CROCC2: variants seen among roughly 807,000 people sequenced by gnomAD.
CROCC2 encodes the protein ciliary rootlet coiled-coil, rootletin family member 2, also known as ciliary rootlet coiled-coil protein 2.
Under a neutral mutation model 177.6 loss-of-function variants are expected in CROCC2, and 163 were observed. The ratio of observed to expected loss-of-function variants is 0.92; its 90% CI spans 0.81 to 1.05. The LOEUF (loss-of-function observed/expected upper bound fraction) is 1.05. CROCC2 is among the 50% of genes least tolerant of loss of function. CROCC2 has a pLI of 0.00. For missense variants in CROCC2, 1,929 were observed against 1,797.8 expected, an observed-to-expected ratio of 1.07 and a Z score of -1.32; for synonymous variants, 904 against 787.3, an observed-to-expected ratio of 1.15 and a Z score of -2.48.
chr2:240,931,509 C>T (rs2059430965), intron 7 of CROCC2, among the ~76,000 whole-genome samples: 1 of 152,196 alleles, frequency 6.6e-6, no homozygotes, highest in Admixed American at 6.5e-5. Context: ...GGGACCAGGC[C>T]ACCTCCTGCC....
At chr2:240,933,642 G>A (rs1356468226) in intron 10 of CROCC2, 28 bp from the exon 11 acceptor site, 15 of 1,547,514 alleles carry the variant, frequency 9.7e-6, no homozygotes, top group African/African-American at 1.4e-5. Flanking sequence ...GTCCAGGGCC[G>A]CCCCAACTCT....
chr2:240,966,622 AAGCCCCTGGAGC>A (rs1231254968), intron 25 of CROCC2, among the ~76,000 whole-genome samples: 3 of 151,916 alleles, frequency 2.0e-5, no homozygotes, highest in Non-Finnish European at 4.4e-5. Flanking sequence ...CCAGGCTGAA[AAGCCCCTGGAGC>A]CAGGCCCTGC....
At chr2:240,924,455 A>G (rs1298382281) in intron 4 of CROCC2, among the ~76,000 whole-genome samples, 1 of 910 alleles carries the variant, frequency 1.1e-3, no homozygotes, top group Non-Finnish European at 1.4e-3. Context: ...CCCCCACACT[A>G]ACCCAGCCCC....
chr2:240,968,796 C>T (rs2059702497), intron 27 of CROCC2, among the ~76,000 whole-genome samples: 1 of 152,194 alleles, frequency 6.6e-6, no homozygotes, highest in Non-Finnish European at 1.5e-5. Flanking sequence ...CCCGCTGGGT[C>T]TGAGGTTTTC....
At chr2:240,963,444 G>A in intron 20 of CROCC2, 112 bp from the exon 21 acceptor site, 2 of 1,159,850 alleles carry the variant, frequency 1.7e-6, no homozygotes, top group African/African-American at 1.6e-5. Context: ...TGGGGACCAA[G>A]TTGGGCAGGG....
chr2:240,968,567 C>T (rs1381105528), intron 27 of CROCC2, among the ~76,000 whole-genome samples: 1 of 152,118 alleles, frequency 6.6e-6, no homozygotes, highest in East Asian at 1.9e-4. Context: ...GGGGGCACAG[C>T]GAGTGGGGGG....
chr2:240,926,032 C>T (rs1294585932), intron 5 of CROCC2, among the ~76,000 whole-genome samples, 152 bp downstream of exon 5: 1 of 152,248 alleles, frequency 6.6e-6, no homozygotes, highest in Non-Finnish European at 1.5e-5. Context: ...ATGTCCCCAA[C>T]CCGGCTTGGC....
intron 5 of CROCC2, 31 bp downstream of exon 5, chr2:240,925,911 C>A (rs1473501590): frequency 1.2e-5 from 8 of 685,874 alleles, no homozygotes; most frequent in Non-Finnish European, 1.9e-5. Context: ...CACCTCATGG[C>A]GGCCGCCTGT....
chr2:240,933,984 CAG>C lies in CROCC2; in HGVS notation c.1646+133_1646+134del. 8 of 1,035,366 alleles carry C rather than the reference CAG, an allele frequency of 7.7e-6. No individual in the cohort carries two copies. In the South Asian group the frequency reaches 1.3e-4, roughly 17 times the overall value. The allele number at this position is 1,035,366 out of a possible 1,614,324, so 64.1% of individuals were successfully genotyped here. ...TCATCTCAGGGTGTGGTGGCCCTAA[CAG>C]GGCAGGGGCGGGGGCTCTCCAGGCT... On this transcript the variant is annotated intron_variant, in intron 11 of 31. Coordinates refer to ENST00000690015, the MANE Select transcript of CROCC2 (RefSeq NM_001351305.2).
intron 20 of CROCC2, among the ~76,000 whole-genome samples, chr2:240,962,678 G>A (rs112165424): frequency 6.6e-6 from 1 of 152,224 alleles, no homozygotes; most frequent in Admixed American, 6.5e-5. Flanking sequence ...CTCTGGGCAT[G>A]CCCCGCTGGC....
At chr2:240,961,586 TCA>T (rs72080262) in intron 20 of CROCC2, among the ~76,000 whole-genome samples, 79,808 of 136,440 alleles carry the variant, frequency 0.58, 22,298 homozygotes, top group Non-Finnish European at 0.63. Flanking sequence ...ACACATACAC[TCA>T]CACACACACA....
chr2:240,935,313 G>A (rs897895828), intron 13 of CROCC2, 45 bp from the exon 14 acceptor site: 16 of 1,327,560 alleles, frequency 1.2e-5, no homozygotes, highest in Admixed American at 7.0e-5. Flanking sequence ...TACAGGGACC[G>A]AGGATGGGGG....
intron 4 of CROCC2, among the ~76,000 whole-genome samples, chr2:240,923,266 G>GC (rs149986018): frequency 1.1e-3 from 167 of 151,110 alleles, no homozygotes; most frequent in Middle Eastern, 6.8e-3. Flanking sequence ...GAGGGACAGA[G>GC]CCCCCCCCGC....
At chr2:240,937,300 T>C (rs2059476859) in intron 14 of CROCC2, among the ~76,000 whole-genome samples, 1 of 152,258 alleles carries the variant, frequency 6.6e-6, no homozygotes, top group East Asian at 1.9e-4. Context: ...TTTTCATGCA[T>C]GTATTGGATA....
intron 1 of CROCC2, among the ~76,000 whole-genome samples, chr2:240,916,076 G>A (rs1464760455): frequency 6.6e-6 from 1 of 152,168 alleles, no homozygotes; most frequent in African/African-American, 2.4e-5. Context: ...CGGCGCAGGT[G>A]GCAGCGCAGA....
chr2:240,919,315 C>T (rs1251883491), intron 2 of CROCC2, among the ~76,000 whole-genome samples: 4 of 152,134 alleles, frequency 2.6e-5, no homozygotes, highest in Non-Finnish European at 5.9e-5. Flanking sequence ...TGGCCACCTG[C>T]GTCTCCGCTT....
At chr2:240,925,374 G>A (rs924802686) in intron 4 of CROCC2, among the ~76,000 whole-genome samples, 1 of 152,122 alleles carries the variant, frequency 6.6e-6, no homozygotes, top group African/African-American at 2.4e-5. Context: ...CCCGCCCCGC[G>A]AAAGGCACCT....
At chr2:240,983,773 G>C in intron 28 of CROCC2, 1 of 444,722 alleles carries the variant, frequency 2.2e-6, no homozygotes, top group Non-Finnish European at 3.7e-6. Flanking sequence ...CCCTGCCTTG[G>C]CTCTCCCTGG....
intron 20 of CROCC2, 122 bp from the exon 21 acceptor site, chr2:240,963,434 T>C: frequency 9.5e-7 from 1 of 1,054,280 alleles, no homozygotes. Flanking sequence ...GCAAAGCGCA[T>C]GGGGACCAAG....
Sources: gnomAD v4.1 joint callset for allele counts (sites outside exome capture counted in the v4.1 genomes callset) on GRCh38, gnomAD v4.1.1 for gene constraint, MANE v1.5 for transcripts, NCBI Gene and HGNC (gene_info 2026-07-23, HGNC 2026-07-21) for gene names.